Variants in RGS7 observed in about 807,000 individuals in gnomAD.
RGS7 encodes the protein regulator of G-protein signaling 7.
Under a neutral mutation model 81.1 loss-of-function variants are expected in RGS7, and 27 were observed. The ratio of observed to expected loss-of-function variants is 0.33; its 90% CI spans 0.25 to 0.46. RGS7 has a LOEUF of 0.46. Among genes scored for constraint, RGS7 ranks in the 20% least tolerant of loss-of-function variants. RGS7 has a pLI of 1.00. For missense variants in RGS7, 396 were observed against 607.4 expected, an observed-to-expected ratio of 0.65 and a Z score of 3.66; for synonymous variants, 208 against 207.7, an observed-to-expected ratio of 1.00 and a Z score of -0.01.
intron 4 of RGS7, among the ~76,000 whole-genome samples, chr1:240,962,085 A>G (rs1471146394): frequency 6.6e-6 from 1 of 152,002 alleles, no homozygotes; most frequent in Non-Finnish European, 1.5e-5. Context: ...TATGTTCCTT[A>G]CTTTCAACTC....
At chr1:241,166,890 G>A (rs1053332038) in intron 2 of RGS7, among the ~76,000 whole-genome samples, 29 of 152,184 alleles carry the variant, frequency 1.9e-4, no homozygotes, top group African/African-American at 7.0e-4. Flanking sequence ...CAGGCCCCAT[G>A]GAGTAAACCC....
chr1:241,163,294 A>G lies in RGS7; in HGVS notation c.79-64532T>C, dbSNP rs12567677. On this transcript the variant is annotated intron_variant, in intron 2 of 18. Coordinates refer to ENST00000440928, the MANE Select transcript of RGS7 (RefSeq NM_001364886.1). This position sits in a 1 kb window ranked among gnomAD's most constrained non-coding sequence, Gnocchi z 4.6. ...AGTAGCTTTTTGTGGAGATGACTGCATAGCACCCCTCTTTTCAAATACAGG... is the reference window on the plus strand; with the variant it reads ...AGTAGCTTTTTGTGGAGATGACTGCGTAGCACCCCTCTTTTCAAATACAGG... Among the ~76,000 whole-genome samples, 51,915 of 152,118 alleles carry G rather than the reference A, an allele frequency of 0.34. 10,766 individuals are homozygous for G. The highest frequency in any genetic ancestry group is 0.44 in the South Asian group (2,137 of 4,820).
intron 6 of RGS7, among the ~76,000 whole-genome samples, chr1:240,882,046 C>G (rs1187100808): frequency 6.6e-6 from 1 of 152,066 alleles, no homozygotes; most frequent in Non-Finnish European, 1.5e-5. Context: ...TCCCGAGTAG[C>G]TGGAATTACA....
At chr1:241,330,086 C>A (rs1490389636) in intron 2 of RGS7, among the ~76,000 whole-genome samples, 1 of 152,106 alleles carries the variant, frequency 6.6e-6, no homozygotes, top group East Asian at 1.9e-4. Context: ...ACTACAGGTG[C>A]CCGGCACCAC....
chr1:241,220,783 C>T (rs2074845680), intron 2 of RGS7, among the ~76,000 whole-genome samples: 1 of 151,844 alleles, frequency 6.6e-6, no homozygotes, highest in African/African-American at 2.4e-5. Context: ...GCCTATAATC[C>T]CAGCACTTTG....
intron 11 of RGS7, among the ~76,000 whole-genome samples, chr1:240,815,704 GC>G (rs1341057807): frequency 6.6e-6 from 1 of 152,020 alleles, no homozygotes; most frequent in Non-Finnish European, 1.5e-5. Context: ...TGAGAATAAA[GC>G]CCCATAACTG....
At chr1:240,992,231 C>T (rs1303759745) in intron 3 of RGS7, among the ~76,000 whole-genome samples, 2 of 152,156 alleles carry the variant, frequency 1.3e-5, no homozygotes, top group African/African-American at 2.4e-5. Flanking sequence ...AGGCCGGGCG[C>T]GTTGGCTCAT....
chr1:241,018,230 G>A (rs893117386), intron 3 of RGS7, among the ~76,000 whole-genome samples: 12 of 144,808 alleles, frequency 8.3e-5, no homozygotes, highest in East Asian at 4.2e-4. Flanking sequence ...TGATCTGCCC[G>A]CCTCGGCCTA....
At chr1:240,843,642 G>A (rs751884685) in intron 9 of RGS7, among the ~76,000 whole-genome samples, 7 of 152,204 alleles carry the variant, frequency 4.6e-5, no homozygotes, top group Non-Finnish European at 2.9e-5. Flanking sequence ...TTGATTGTGA[G>A]GAGGTATATG....
intron 4 of RGS7, among the ~76,000 whole-genome samples, chr1:240,944,825 T>TAG (rs1678324599): frequency 6.6e-6 from 1 of 152,232 alleles, no homozygotes; most frequent in Non-Finnish European, 1.5e-5. Context: ...GCGATTCTCC[T>TAG]GCCTCCGCCT....
Position 240,986,857 on chromosome 1 carries a change from C to T in RGS7, c.176-3728G>A. ...TCGGCCTCCCAAAGTGCTGGGATTA[C>T]AGGCGTGAGCCACCGCGCCCGGCCT... On this transcript the variant is annotated intron_variant, in intron 3 of 18. Transcript: ENST00000440928. Among the ~76,000 whole-genome samples, 2 of 1,372 alleles carry T rather than the reference C, an allele frequency of 1.5e-3. 1 individual carries two copies. Among genetic ancestry groups the T allele is most frequent in the African/African-American group, 6.8e-3 (2 of 294 alleles). 0.9% of individuals were successfully genotyped at this position (1,372 alleles called of 152,430 possible). A position where few individuals can be genotyped will look rare whatever the true frequency, so the allele number is the denominator to read the frequency against.
intron 2 of RGS7, among the ~76,000 whole-genome samples, chr1:241,206,205 T>C (rs1238506028): frequency 1.3e-5 from 2 of 151,512 alleles, no homozygotes; most frequent in African/African-American, 2.4e-5. Flanking sequence ...TTACGATCCA[T>C]TTGCCCCATG....
chr1:241,249,159 G>A (rs1199488848), intron 2 of RGS7, among the ~76,000 whole-genome samples: 6 of 151,972 alleles, frequency 3.9e-5, no homozygotes, highest in African/African-American at 7.2e-5. Context: ...TTTATAGATT[G>A]TGCTTTTCAT....
At chr1:241,277,129 C>T (rs566889023) in intron 2 of RGS7, among the ~76,000 whole-genome samples, 1 of 152,272 alleles carries the variant, frequency 6.6e-6, no homozygotes, top group Admixed American at 6.5e-5. Flanking sequence ...TAGCTATGTA[C>T]TCTCCTATTG....
At chr1:241,074,786 A>G (rs941405028) in intron 3 of RGS7, among the ~76,000 whole-genome samples, 9 of 152,166 alleles carry the variant, frequency 5.9e-5, no homozygotes, top group Non-Finnish European at 1.3e-4. Context: ...AATCCAAGGA[A>G]ATGTTGCCAG....
intron 4 of RGS7, among the ~76,000 whole-genome samples, chr1:240,962,676 G>A (rs1681663348): frequency 6.6e-6 from 1 of 152,140 alleles, no homozygotes; most frequent in Non-Finnish European, 1.5e-5. Context: ...ATCTAATCTT[G>A]GGAGCTCAGG....
chr1:241,030,703 G>A (rs944434950), intron 3 of RGS7, among the ~76,000 whole-genome samples: 2 of 151,932 alleles, frequency 1.3e-5, no homozygotes, highest in African/African-American at 2.4e-5. Flanking sequence ...CTATACCACT[G>A]CAATCTGGGA....
intron 13 of RGS7, among the ~76,000 whole-genome samples, 194 bp downstream of exon 13, chr1:240,813,406 CAATGCAAATCTTAATGCA>C (rs57668815): frequency 0.67 from 101,434 of 151,426 alleles, 35,242 homozygotes; most frequent in Non-Finnish European, 0.77. Context: ...GTCTTTCCAG[CAATGCAAATCTTAATGCA>C]AATGCAAATC....
chr1:240,920,114 C>A, intron 6 of RGS7: 1 of 907,674 alleles, frequency 1.1e-6, no homozygotes, highest in Non-Finnish European at 1.8e-6. Flanking sequence ...TCTTTGATGA[C>A]TATGACTCCG....
Sources: gnomAD v4.1 joint callset for allele counts (sites outside exome capture counted in the v4.1 genomes callset) on GRCh38, gnomAD v4.1.1 for gene constraint, Gnocchi (gnomAD v3.1) non-coding constraint, MANE v1.5 for transcripts, NCBI Gene and HGNC (gene_info 2026-07-23, HGNC 2026-07-21) for gene names.